Variants in ITGA11 observed in about 807,000 individuals in gnomAD.
ITGA11 encodes integrin alpha-11.
A neutral mutation model predicts 141.9 loss-of-function variants in ITGA11; 97 were observed. That is an observed-to-expected ratio of 0.68 (90% CI 0.58 to 0.81). The LOEUF (loss-of-function observed/expected upper bound fraction) is 0.81, where lower values mean the gene tolerates loss of function less well. Among genes scored for constraint, ITGA11 ranks in the 30% least tolerant of loss-of-function variants. ITGA11 has a pLI of 0.00. For synonymous variants in ITGA11, 658 were observed against 624.6 expected (o/e 1.05, Z -0.80); for missense variants, 1,387 against 1,559.2 (o/e 0.89, Z 1.86).
At chr15:68,410,982 C>T (rs1896759487) in intron 1 of ITGA11, among the ~76,000 whole-genome samples, 1 of 152,202 alleles carries the variant, frequency 6.6e-6, no homozygotes, top group Admixed American at 6.5e-5. Context: ...GGGAAGCCCC[C>T]AGGCTGGTGG....
At chr15:68,418,757 A>G (rs1009456860) in intron 1 of ITGA11, among the ~76,000 whole-genome samples, 5 of 151,874 alleles carry the variant, frequency 3.3e-5, no homozygotes, top group Non-Finnish European at 7.4e-5. Flanking sequence ...CTTTCCTGGC[A>G]TACTGACCAT....
At chr15:68,315,985 C>G (rs1893562011) in intron 21 of ITGA11, among the ~76,000 whole-genome samples, 1 of 152,222 alleles carries the variant, frequency 6.6e-6, no homozygotes, top group Admixed American at 6.5e-5. Flanking sequence ...CAGCCCCCCT[C>G]CCTCTTCCTC....
At chr15:68,384,953 C>G (rs533285858) in intron 2 of ITGA11, among the ~76,000 whole-genome samples, 22 of 152,332 alleles carry the variant, frequency 1.4e-4, no homozygotes, top group African/African-American at 5.1e-4. Flanking sequence ...AAACAACAAG[C>G]CCCAGAGGCC....
chr15:68,428,437 G>A (rs1457424404), intron 1 of ITGA11, among the ~76,000 whole-genome samples: 1 of 152,160 alleles, frequency 6.6e-6, no homozygotes, highest in Non-Finnish European at 1.5e-5. Flanking sequence ...GGTGGGAAGA[G>A]CATGGAGATA....
intron 10 of ITGA11, among the ~76,000 whole-genome samples, chr15:68,344,233 C>G (rs1461364332): frequency 1.3e-5 from 2 of 152,040 alleles, no homozygotes; most frequent in African/African-American, 4.8e-5. Context: ...GCCAGGAGAC[C>G]ATCTTGACTG....
chr15:68,381,143 G>A (rs1009863711), intron 2 of ITGA11, among the ~76,000 whole-genome samples: 1 of 152,174 alleles, frequency 6.6e-6, no homozygotes, highest in African/African-American at 2.4e-5. Context: ...GCACCTGGCT[G>A]GGCATTAGAC....
intron 1 of ITGA11, among the ~76,000 whole-genome samples, chr15:68,419,669 A>G (rs1464314365): frequency 1.3e-5 from 2 of 152,216 alleles, no homozygotes; most frequent in African/African-American, 4.8e-5. Context: ...TAGCCCCTAA[A>G]GGGCTTTTAG....
At chr15:68,312,286 C>G (rs1295941412) in intron 24 of ITGA11, among the ~76,000 whole-genome samples, 1 of 152,140 alleles carries the variant, frequency 6.6e-6, no homozygotes, top group Non-Finnish European at 1.5e-5. Context: ...AGGGAGGTCC[C>G]TTAATAAGGA....
At position 68,305,285 on chromosome 15, in the gene ITGA11, T is replaced by C. The variant is rs1427144141; in HGVS notation, c.3382-1400A>G. Among the ~76,000 whole-genome samples the C allele has an allele frequency of 6.6e-6, 1 of 152,230 alleles. No individual in the cohort carries two copies. Among genetic ancestry groups the C allele is most frequent in the Non-Finnish European group, 1.5e-5 (1 of 68,048 alleles). On this transcript the variant is annotated intron_variant, in intron 28 of 29. Transcript: ENST00000315757. This position sits in a 1 kb window ranked among gnomAD's most constrained non-coding sequence, Gnocchi z 4.6. ...ATGGTCTCTGTCTGATGTCACTTTA[T>C]TGGAGAGGCTTTTCCCAACTCCCCT...
At chr15:68,336,198 A>C in intron 11 of ITGA11, 2 of 255,758 alleles carry the variant, frequency 7.8e-6, no homozygotes, top group Non-Finnish European at 1.5e-5. Flanking sequence ...AGTAGGGCAG[A>C]CTCTAGCCTC....
intron 7 of ITGA11, 122 bp downstream of exon 7, chr15:68,357,029 G>C (rs773971650): frequency 8.6e-5 from 80 of 925,500 alleles, no homozygotes; most frequent in Admixed American, 2.0e-4. Flanking sequence ...CCAGAATTTT[G>C]AGGAATTAAG....
intron 2 of ITGA11, among the ~76,000 whole-genome samples, chr15:68,392,863 A>T (rs1336154018): frequency 6.6e-6 from 1 of 152,250 alleles, no homozygotes; most frequent in East Asian, 1.9e-4. Flanking sequence ...GTAAATAATC[A>T]GGAAAAAATG....
chr15:68,375,640 G>A (rs111562637), intron 2 of ITGA11, among the ~76,000 whole-genome samples: 3,462 of 152,310 alleles, frequency 0.023, 82 homozygotes, highest in African/African-American at 0.056. Flanking sequence ...GCCTGGCCTC[G>A]TGGGGGCTAG....
chr15:68,319,157 T>A (rs1163225390), intron 20 of ITGA11, among the ~76,000 whole-genome samples: 1 of 152,226 alleles, frequency 6.6e-6, no homozygotes, highest in East Asian at 1.9e-4. Context: ...CTTTGTCACA[T>A]AGCGCAGGCT....
At position 68,400,638 on chromosome 15, in the gene ITGA11, AATATTATATATTATATAATAAAT is replaced by A. The variant is rs1566938414; in HGVS notation, c.164+2257_164+2279del. Among the ~76,000 whole-genome samples the A allele has an allele frequency of 4.9e-3, 342 of 69,324 alleles. 21 individuals carry two copies. Among genetic ancestry groups the A allele is most frequent in the African/African-American group, 6.6e-3 (92 of 13,988 alleles). 45.5% of individuals were successfully genotyped at this position (69,324 alleles called of 152,430 possible). On this transcript the variant is annotated intron_variant, in intron 2 of 29. Transcript: ENST00000315757. ...ATATATATTATATAATAAATATTAT[AATATTATATATTATATAATAAAT>A]ATATTATATATTATATAATAAATAT...
chr15:68,341,711 G>C (rs550359238), intron 10 of ITGA11, among the ~76,000 whole-genome samples: 17 of 152,308 alleles, frequency 1.1e-4, no homozygotes, highest in African/African-American at 4.1e-4. Flanking sequence ...CTGCAGACCT[G>C]GCTTCTGTGC....
Position 68,335,699 on chromosome 15 carries a change from G to T in ITGA11, c.1423C>A (p.Gln475Lys). 1 of 1,613,438 alleles carries T rather than the reference G, an allele frequency of 6.2e-7. No homozygotes were observed. Among genetic ancestry groups the T allele is most frequent in the Non-Finnish European group, 8.5e-7 (1 of 1,179,646 alleles). ...GCCCCAGGCTCCCCCTCCATTACCT[G>T]CTGGCCCCGCATAGCCTGGTGGATG... ...LTIHQAMRGQ[Q>K]IGSYFGSEIT... The change falls in exon 12 of 30, where the codon CAG becomes AAG. Residue 475 changes from glutamine (Q) to lysine (K), a missense_variant and splice_region_variant. Coordinates refer to ENST00000315757, the MANE Select transcript of ITGA11 (RefSeq NM_001004439.2). This position sits in a 1 kb window ranked among gnomAD's most constrained non-coding sequence, Gnocchi z 4.9.
intron 1 of ITGA11, among the ~76,000 whole-genome samples, chr15:68,418,166 G>A (rs1182526200): frequency 6.6e-6 from 1 of 152,218 alleles, no homozygotes; most frequent in African/African-American, 2.4e-5. Flanking sequence ...CCCATCCCAA[G>A]AGCCAGAATC....
chr15:68,432,035 C>A lies in ITGA11; in HGVS notation c.32G>T (p.Trp11Leu). Reference protein sequence around the residue: MDLPRGLVVAWALSLWPGFTD... With the variant: MDLPRGLVVALALSLWPGFTD... ...CCTACCTGGCCACAGGCTGAGCGCC[C>A]AGGCCACCACCAGGCCCCTGGGCAG... The change falls in exon 1 of 30, where the codon TGG (tryptophan) becomes TTG (leucine). Residue 11 changes from tryptophan to leucine, a missense_variant. Trp to Leu is a moderately conservative substitution (Grantham distance 61). Transcript: ENST00000315757. The A allele has an allele frequency of 7.5e-7, 1 of 1,342,134 alleles. No homozygotes were observed. 83.1% of individuals were successfully genotyped at this position (1,342,134 alleles called of 1,614,324 possible). A position where few individuals can be genotyped will look rare whatever the true frequency, so the allele number is the denominator to read the frequency against.
Sources: gnomAD v4.1 joint callset for allele counts (sites outside exome capture counted in the v4.1 genomes callset) on GRCh38, gnomAD v4.1.1 for gene constraint, Gnocchi (gnomAD v3.1) non-coding constraint, MANE v1.5 for transcripts, NCBI Gene and HGNC (gene_info 2026-07-23, HGNC 2026-07-21) for gene names.